DOCK1: variants seen among roughly 807,000 people sequenced by gnomAD.
The protein encoded by DOCK1 is dedicator of cytokinesis 1.
In DOCK1, 138 loss-of-function variants were observed where a neutral mutation model predicts 262.7. That is an observed-to-expected ratio of 0.53 (90% confidence interval 0.46 to 0.61). The LOEUF is 0.61. Among genes scored for constraint, DOCK1 ranks in the 20% least tolerant of loss-of-function variants. The pLI, the probability that DOCK1 is intolerant of heterozygous loss-of-function variation, is 0.00. For missense variants in DOCK1, 1,908 were observed against 2,370.7 expected, an observed-to-expected ratio of 0.80 and a Z score of 4.05; for synonymous variants, 866 against 867.4, an observed-to-expected ratio of 1.00 and a Z score of 0.03.
chr10:127,316,516 GA>G (rs1284063376), intron 29 of DOCK1, among the ~76,000 whole-genome samples: 1 of 152,128 alleles, frequency 6.6e-6, no homozygotes, highest in African/African-American at 2.4e-5. Context: ...GATTCATTCT[GA>G]ATCGACTACT....
intron 23 of DOCK1, 148 bp from the exon 24 acceptor site, chr10:127,106,083 A>C: frequency 1.3e-6 from 1 of 792,534 alleles, no homozygotes; most frequent in South Asian, 1.9e-5. Flanking sequence ...TCTTTGCTCT[A>C]TTTTCATCGT....
At chr10:127,025,711 G>T (rs1321353454) in intron 15 of DOCK1, among the ~76,000 whole-genome samples, 1 of 151,912 alleles carries the variant, frequency 6.6e-6, no homozygotes, top group Non-Finnish European at 1.5e-5. Flanking sequence ...CGGCCTCCCA[G>T]ACTGCTGGGA....
intron 27 of DOCK1, among the ~76,000 whole-genome samples, chr10:127,218,476 G>A (rs1299764556): frequency 2.0e-5 from 3 of 152,038 alleles, no homozygotes; most frequent in Non-Finnish European, 2.9e-5. Context: ...GAAGTTTTCC[G>A]ACTCCCAGTC....
intron 29 of DOCK1, among the ~76,000 whole-genome samples, chr10:127,337,549 T>C (rs1016693438): frequency 3.3e-5 from 5 of 152,214 alleles, no homozygotes; most frequent in Non-Finnish European, 7.3e-5. Flanking sequence ...GCATCCTATA[T>C]TTGCAAAATC....
At chr10:127,233,460 G>A (rs1261758774) in intron 27 of DOCK1, among the ~76,000 whole-genome samples, 1 of 152,174 alleles carries the variant, frequency 6.6e-6, no homozygotes, top group Admixed American at 6.5e-5. Flanking sequence ...ACATTCAAGA[G>A]ATTTTTTTCC....
chr10:127,246,828 T>C (rs2059446556), intron 27 of DOCK1, among the ~76,000 whole-genome samples: 1 of 152,130 alleles, frequency 6.6e-6, no homozygotes, highest in South Asian at 2.1e-4. Flanking sequence ...ATATTGCTGG[T>C]AAAAGGAGAG....
intron 6 of DOCK1, among the ~76,000 whole-genome samples, chr10:126,991,808 C>T (rs1161130385): frequency 1.3e-5 from 2 of 152,084 alleles, no homozygotes; most frequent in Non-Finnish European, 2.9e-5. Flanking sequence ...GGATTACATG[C>T]GAGAGCCACT....
rs938987862 is a variant in DOCK1, at chr10:127,118,653, A to G, written c.2624-6821A>G. On this transcript the variant is annotated intron_variant, in intron 25 of 51. Transcript: ENST00000623213. ...CTTTTACTTGCTCTGTCACCTTTTC[A>G]TTTCAAATTCCATGATACTGAATAC... is the stretch of plus-strand genomic sequence containing the variant. Among the ~76,000 whole-genome samples, 86 of 152,134 alleles carry G rather than the reference A, an allele frequency of 5.7e-4. No individual in the cohort carries two copies. The Middle Eastern group carries it at 0.014, about 24-fold the overall frequency.
Position 127,437,533 on chromosome 10 carries a change from CA to C in DOCK1, c.5061-1492del, listed in dbSNP as rs1267854961. On this transcript the variant is annotated intron_variant, in intron 48 of 51. Transcript: ENST00000623213. This position sits in a 1 kb window ranked among gnomAD's most constrained non-coding sequence, Gnocchi z 4.4. ...ATCTGGCTCTGTCACCCAGGCTGTG[CA>C]ATGGCACAGTCTTGGCTCACTGCAA... Among the ~76,000 whole-genome samples, 2 of 150,604 alleles carry C rather than the reference CA, an allele frequency of 1.3e-5. No homozygotes were observed. Among genetic ancestry groups the C allele is most frequent in the Admixed American group, 1.3e-4 (2 of 15,020 alleles).
At chr10:127,119,346 G>A (rs1043773939) in intron 25 of DOCK1, among the ~76,000 whole-genome samples, 9 of 152,106 alleles carry the variant, frequency 5.9e-5, no homozygotes, top group African/African-American at 1.4e-4. Flanking sequence ...GCGCCCGGCC[G>A]GAATAGACAT....
intron 25 of DOCK1, among the ~76,000 whole-genome samples, chr10:127,112,816 T>C (rs2048947531): frequency 1.3e-5 from 2 of 152,200 alleles, no homozygotes; most frequent in South Asian, 4.1e-4. Flanking sequence ...TACTTCTAAA[T>C]GCTTAGTGGT....
chr10:127,287,206 CT>C lies in DOCK1; in HGVS notation c.3044+29789del, dbSNP rs35427861. The stretch of plus-strand genomic sequence containing the variant: ...ACAGGCATGAGCCACTGCGCCTGGC[CT>C]TTTTTTTTTTTGAAGTACATGATCT... On this transcript the variant is annotated intron_variant, in intron 29 of 51. Transcript: ENST00000623213. 2.3e-3 allele frequency among the ~76,000 whole-genome samples: 334 copies of C among 142,662 alleles called. 2 individuals carry two copies. The highest frequency in any genetic ancestry group is 4.4e-3 in the African/African-American group (172 of 39,116). 93.6% of individuals were successfully genotyped at this position (142,662 alleles called of 152,430 possible). A position where few individuals can be genotyped will look rare whatever the true frequency, so the allele number is the denominator to read the frequency against.
intron 1 of DOCK1, among the ~76,000 whole-genome samples, chr10:126,940,037 A>G (rs1295578483): frequency 1.3e-5 from 2 of 152,150 alleles, no homozygotes; most frequent in East Asian, 1.9e-4. Context: ...GAGAAGCAAG[A>G]AGGAGAAGGG....
chr10:126,997,970 C>A (rs1443074632), intron 7 of DOCK1, 122 bp from the exon 8 acceptor site: 22 of 1,282,542 alleles, frequency 1.7e-5, no homozygotes, highest in Admixed American at 2.3e-5. Flanking sequence ...GTGACTGCAC[C>A]AAGGCCTTTG....
intron 29 of DOCK1, among the ~76,000 whole-genome samples, chr10:127,303,728 G>A (rs1304639982): frequency 6.7e-6 from 1 of 150,100 alleles, no homozygotes. Flanking sequence ...GGATCATGGT[G>A]TGTGCCCGTA....
At chr10:127,388,308 C>T (rs557664923) in intron 38 of DOCK1, among the ~76,000 whole-genome samples, 4 of 152,174 alleles carry the variant, frequency 2.6e-5, no homozygotes, top group South Asian at 2.1e-4. Flanking sequence ...TTGATAAAAC[C>T]GATGGAAAAG....
intron 29 of DOCK1, among the ~76,000 whole-genome samples, chr10:127,274,715 C>T (rs2489408): frequency 0.3 from 46,317 of 152,016 alleles, 8,239 homozygotes; most frequent in South Asian, 0.55. Flanking sequence ...AGCGGGCTTG[C>T]GAGGTGGGAG....
chr10:126,925,381 TTTTTG>T (rs1283938516), intron 1 of DOCK1, among the ~76,000 whole-genome samples: 1 of 152,178 alleles, frequency 6.6e-6, no homozygotes, highest in Non-Finnish European at 1.5e-5. Flanking sequence ...CATGTGAACA[TTTTTG>T]TTTTGTTTTG....
chr10:127,129,340 A>G (rs1464746737), intron 27 of DOCK1, among the ~76,000 whole-genome samples: 1 of 152,186 alleles, frequency 6.6e-6, no homozygotes, highest in East Asian at 1.9e-4. Flanking sequence ...TTAAACTTAA[A>G]CACTTTTAAG....
Sources: gnomAD v4.1 joint callset for allele counts (sites outside exome capture counted in the v4.1 genomes callset) on GRCh38, gnomAD v4.1.1 for gene constraint, Gnocchi (gnomAD v3.1) non-coding constraint, MANE v1.5 for transcripts, NCBI Gene and HGNC (gene_info 2026-07-23, HGNC 2026-07-21) for gene names.